Variants in TIMP3 observed in about 807,000 individuals in gnomAD.
TIMP3 encodes TIMP metallopeptidase inhibitor 3.
In TIMP3, 11 loss-of-function variants were observed where a neutral mutation model predicts 30.0. That is an observed-to-expected ratio of 0.37 (90% CI 0.23 to 0.61). The LOEUF is 0.61. Among genes scored for constraint, TIMP3 ranks in the 20% least tolerant of loss-of-function variants. TIMP3 has a pLI of 0.70. For missense variants in TIMP3, 181 were observed against 276.8 expected (o/e 0.65, Z 2.45); for synonymous variants, 112 against 111.3 (o/e 1.01, Z -0.04).
rs148455007 is a variant in TIMP3 at position 32,812,331 on chromosome 22, C to T, written c.121+10209C>T. On this transcript the variant is annotated intron_variant, in intron 1 of 4. Coordinates refer to ENST00000266085, the MANE Select transcript of TIMP3 (RefSeq NM_000362.5). ...ATTTCTGTGGTTGCAAAAGTGGATGCGGGCTCTGAACAAAACCTCTAGTGA... is the reference window on the plus strand; with the variant it reads ...ATTTCTGTGGTTGCAAAAGTGGATGTGGGCTCTGAACAAAACCTCTAGTGA... Among the ~76,000 whole-genome samples the T allele has an allele frequency of 3.8e-3, 585 of 152,154 alleles. 2 individuals are homozygous for T. The highest frequency in any genetic ancestry group is 6.9e-3 in the Non-Finnish European group (469 of 68,006).
intron 1 of TIMP3, among the ~76,000 whole-genome samples, chr22:32,833,169 G>T (rs1379672972): frequency 6.6e-6 from 1 of 152,136 alleles, no homozygotes; most frequent in Non-Finnish European, 1.5e-5. Flanking sequence ...CTGATCGGTG[G>T]CTCCTGGGAA....
Position 32,846,117 on chromosome 22 carries a change from T to C in TIMP3, c.122-3335T>C, listed in dbSNP as rs534956797. Among the ~76,000 whole-genome samples, 76 of 152,378 alleles carry C rather than the reference T, an allele frequency of 5.0e-4. 1 individual carries two copies. Among genetic ancestry groups the C allele is most frequent in the Middle Eastern group, 3.4e-3 (1 of 294 alleles). ...GTAAGGAAAACACTGATGTGGCCTC[T>C]TCACTGGGCCATCTCTGCCTCAGAC... On this transcript the variant is annotated intron_variant, in intron 1 of 4. Coordinates refer to ENST00000266085, the MANE Select transcript of TIMP3 (RefSeq NM_000362.5).
chr22:32,835,669 G>T (rs1049676850), intron 1 of TIMP3, among the ~76,000 whole-genome samples: 3 of 152,150 alleles, frequency 2.0e-5, no homozygotes, highest in Non-Finnish European at 4.4e-5. Context: ...AAGTATACTT[G>T]TTCGCCCCTT....
At chr22:32,826,834 G>A (rs1377590515) in intron 1 of TIMP3, among the ~76,000 whole-genome samples, 1 of 152,170 alleles carries the variant, frequency 6.6e-6, no homozygotes, top group Non-Finnish European at 1.5e-5. Context: ...ATTAGGCAGG[G>A]TTTTTGCATT....
Position 32,801,843 on chromosome 22 carries a change from C to T in TIMP3, c.-159C>T, listed in dbSNP as rs976375405. The T allele has an allele frequency of 2.0e-5, 19 of 930,058 alleles. No homozygotes were observed. Among genetic ancestry groups the T allele is most frequent in the Non-Finnish European group, 2.6e-5 (19 of 722,478 alleles). 57.6% of individuals were successfully genotyped at this position (930,058 alleles called of 1,614,324 possible). ...GAGGCAGCCTCGCTGCGCCCCATCCCGTCCCGCCGGGCACTCGGAGGGCAG... is the reference window on the plus strand; with the variant it reads ...GAGGCAGCCTCGCTGCGCCCCATCCTGTCCCGCCGGGCACTCGGAGGGCAG... On this transcript the variant is annotated 5_prime_UTR_variant, in exon 1 of 5. Coordinates refer to ENST00000266085, the MANE Select transcript of TIMP3 (RefSeq NM_000362.5). This position sits in a 1 kb window ranked among gnomAD's most constrained non-coding sequence, Gnocchi z 4.7.
intron 1 of TIMP3, among the ~76,000 whole-genome samples, chr22:32,835,693 G>T (rs1043816469): frequency 7.2e-5 from 11 of 152,148 alleles, no homozygotes; most frequent in Admixed American, 7.2e-4. Context: ...ATACTCTTTG[G>T]TCCAAAGGGC....
intron 1 of TIMP3, among the ~76,000 whole-genome samples, chr22:32,841,428 TGCAAGGTCA>T (rs961342493): frequency 3.9e-5 from 6 of 152,260 alleles, no homozygotes; most frequent in African/African-American, 1.4e-4. Flanking sequence ...CAGAGGGAAC[TGCAAGGTCA>T]GAGACCCTGA....
chr22:32,831,447 C>G (rs1167379442), intron 1 of TIMP3, among the ~76,000 whole-genome samples: 1 of 152,116 alleles, frequency 6.6e-6, no homozygotes, highest in African/African-American at 2.4e-5. Flanking sequence ...ATGATCAGGG[C>G]AGCGGGGCTG....
chr22:32,820,389 C>T (rs1298407506), intron 1 of TIMP3, among the ~76,000 whole-genome samples: 5 of 150,690 alleles, frequency 3.3e-5, no homozygotes, highest in South Asian at 2.1e-4. Context: ...GTGTGTTCTA[C>T]TCCGTGTGTG....
In TIMP3 at chr22:32,859,601, C is replaced by T. The variant is rs1191855990; in HGVS notation, c.*224C>T. 6 of 573,656 alleles carry T rather than the reference C, an allele frequency of 1.0e-5. No individual in the cohort carries two copies. In the East Asian group the frequency reaches 1.5e-4, roughly 14 times the overall value. The allele number at this position is 573,656 out of a possible 1,614,324, so 35.5% of individuals were successfully genotyped here. A position where few individuals can be genotyped will look rare whatever the true frequency, so the allele number is the denominator to read the frequency against. On this transcript the variant is annotated 3_prime_UTR_variant, in exon 5 of 5. Coordinates refer to ENST00000266085, the MANE Select transcript of TIMP3 (RefSeq NM_000362.5). Reference sequence around the variant, plus strand: ...TTGGTTTTGACATCATTCATTTCCACCTGGGAATTTCTGGTGCCATGCCAG... The same window carrying T: ...TTGGTTTTGACATCATTCATTTCCATCTGGGAATTTCTGGTGCCATGCCAG...
chr22:32,842,160 A>G (rs906404789), intron 1 of TIMP3, among the ~76,000 whole-genome samples: 2 of 152,218 alleles, frequency 1.3e-5, no homozygotes, highest in African/African-American at 4.8e-5. Context: ...GAAACAGGGC[A>G]GCGACTTCAC....
intron 1 of TIMP3, among the ~76,000 whole-genome samples, chr22:32,809,335 C>A (rs1201555891): frequency 6.6e-6 from 1 of 152,240 alleles, no homozygotes; most frequent in Non-Finnish European, 1.5e-5. Context: ...CCACATGAGT[C>A]TTTGGCTCCC....
intron 1 of TIMP3, among the ~76,000 whole-genome samples, chr22:32,827,280 C>T (rs1018426788): frequency 2.0e-5 from 3 of 152,142 alleles, no homozygotes; most frequent in Non-Finnish European, 4.4e-5. Flanking sequence ...CAGAGCCAGG[C>T]GTGGCCTATA....
chr22:32,813,486 T>TACACACACACACACAC (rs130277), intron 1 of TIMP3, among the ~76,000 whole-genome samples: 1 of 138,186 alleles, frequency 7.2e-6, no homozygotes, highest in African/African-American at 2.8e-5. Flanking sequence ...TCTGAAAAGA[T>TACACACACACACACAC]ACACACACAC....
chr22:32,823,244 G>A (rs1404849194), intron 1 of TIMP3, among the ~76,000 whole-genome samples: 3 of 152,200 alleles, frequency 2.0e-5, no homozygotes, highest in Admixed American at 2.0e-4. Context: ...GGACTTGTAA[G>A]TCCCGTGGTC....
At chr22:32,832,581 C>T (rs1450880299) in intron 1 of TIMP3, among the ~76,000 whole-genome samples, 2 of 150,958 alleles carry the variant, frequency 1.3e-5, no homozygotes, top group Non-Finnish European at 2.9e-5. Flanking sequence ...ACTTGGCCAC[C>T]CAGATGAGTA....
In TIMP3 at chr22:32,837,213, G is replaced by A. The variant is rs142287802; in HGVS notation, c.122-12239G>A. ...AGGGCATGGTATTTTTCTGGGCACTGCTTCAAAGGGGCTGTGGTTGAAGAC... is the reference window on the plus strand; with the variant it reads ...AGGGCATGGTATTTTTCTGGGCACTACTTCAAAGGGGCTGTGGTTGAAGAC... On this transcript the variant is annotated intron_variant, in intron 1 of 4. Transcript: ENST00000266085. The surrounding 1 kb of genome is among the most constrained non-coding windows in gnomAD (Gnocchi z 4.1). Among the ~76,000 whole-genome samples, 1,371 of 152,330 alleles carry A rather than the reference G, an allele frequency of 9.0e-3. 16 individuals carry two copies. Among genetic ancestry groups the A allele is most frequent in the Middle Eastern group, 0.041 (12 of 294 alleles).
intron 1 of TIMP3, among the ~76,000 whole-genome samples, chr22:32,838,735 GA>G (rs1288288325): frequency 6.6e-6 from 1 of 151,862 alleles, no homozygotes; most frequent in Non-Finnish European, 1.5e-5. Flanking sequence ...AGCACTCCAG[GA>G]AGCCAAACAC....
chr22:32,813,661 C>CG (rs1175352098), intron 1 of TIMP3, among the ~76,000 whole-genome samples: 2 of 123,106 alleles, frequency 1.6e-5, no homozygotes, highest in African/African-American at 6.7e-5. Flanking sequence ...GAGTAACACC[C>CG]AATTTTTTTT....
Sources: allele counts gnomAD v4.1 joint callset (sites outside exome capture counted in the v4.1 genomes callset), GRCh38; gene constraint gnomAD v4.1.1; non-coding constraint Gnocchi (gnomAD v3.1); transcripts MANE v1.5; gene names NCBI Gene and HGNC (gene_info 2026-07-23, HGNC 2026-07-21).